SETBP1: variants seen among roughly 807,000 people sequenced by gnomAD.
SETBP1 encodes the protein SET binding protein 1, also known as SET-binding protein.
SETBP1 carries 9 observed loss-of-function variants against 101.0 expected under a neutral mutation model. The ratio of observed to expected loss-of-function variants is 0.09; its 90% CI spans 0.05 to 0.16. The LOEUF is 0.16. SETBP1 is among the 10% of genes least tolerant of loss of function. SETBP1 has a pLI of 1.00. For missense variants in SETBP1, 1,858 were observed against 2,033.8 expected (o/e 0.91, Z 1.66); for synonymous variants, 818 against 788.5 (o/e 1.04, Z -0.63).
At chr18:44,792,986 G>A (rs2071398939) in intron 2 of SETBP1, among the ~76,000 whole-genome samples, 1 of 152,180 alleles carries the variant, frequency 6.6e-6, no homozygotes, top group African/African-American at 2.4e-5. Context: ...TTCCAACTAC[G>A]AGTGGTCCTG....
intron 3 of SETBP1, among the ~76,000 whole-genome samples, chr18:44,874,442 C>T (rs572596076): frequency 1.3e-5 from 2 of 152,188 alleles, no homozygotes; most frequent in East Asian, 1.9e-4. Context: ...GGGTAGAAGG[C>T]GTGATGAAAC....
intron 4 of SETBP1, among the ~76,000 whole-genome samples, chr18:45,026,311 A>G (rs2073163674): frequency 6.6e-6 from 1 of 152,154 alleles, no homozygotes; most frequent in Non-Finnish European, 1.5e-5. Context: ...ATAACCTTTG[A>G]GCACCAAGCC....
intron 4 of SETBP1, among the ~76,000 whole-genome samples, chr18:44,990,409 C>T (rs1371890066): frequency 6.6e-6 from 1 of 152,006 alleles, no homozygotes; most frequent in Admixed American, 6.6e-5. Context: ...GCCTGGGCAA[C>T]ATAATCAGAC....
chr18:44,874,075 T>G (rs1184714617), intron 3 of SETBP1, among the ~76,000 whole-genome samples: 1 of 152,202 alleles, frequency 6.6e-6, no homozygotes, highest in Non-Finnish European at 1.5e-5. Context: ...TATACTCTCA[T>G]CTACTTTGGT....
intron 5 of SETBP1, among the ~76,000 whole-genome samples, chr18:45,039,382 A>G (rs985968822): frequency 3.3e-5 from 5 of 152,166 alleles, no homozygotes; most frequent in African/African-American, 1.2e-4. Flanking sequence ...CTCCAGGAAG[A>G]CAGGCCTTGG....
At chr18:44,712,282 G>A (rs966837564) in intron 2 of SETBP1, among the ~76,000 whole-genome samples, 1 of 152,232 alleles carries the variant, frequency 6.6e-6, no homozygotes, top group African/African-American at 2.4e-5. Flanking sequence ...CTTAAAAGGA[G>A]ATAGAGAGCA....
intron 3 of SETBP1, among the ~76,000 whole-genome samples, chr18:44,880,625 G>C (rs967562449): frequency 6.6e-6 from 1 of 152,186 alleles, no homozygotes; most frequent in African/African-American, 2.4e-5. Context: ...GGCATCTGGG[G>C]AGGCCTCAGG....
At chr18:45,012,245 G>A (rs1247854746) in intron 4 of SETBP1, among the ~76,000 whole-genome samples, 1 of 152,216 alleles carries the variant, frequency 6.6e-6, no homozygotes. Flanking sequence ...GAAGAACTAG[G>A]TCAATCAAGA....
chr18:44,834,680 G>T (rs2067457771), intron 2 of SETBP1, among the ~76,000 whole-genome samples: 1 of 152,210 alleles, frequency 6.6e-6, no homozygotes, highest in Non-Finnish European at 1.5e-5. Flanking sequence ...TCAAATGTCA[G>T]GAGATGTGGC....
chr18:44,942,419 T>C (rs1016696762), intron 3 of SETBP1, among the ~76,000 whole-genome samples: 1 of 152,164 alleles, frequency 6.6e-6, no homozygotes, highest in Non-Finnish European at 1.5e-5. Flanking sequence ...GTTTCTAGAG[T>C]TCCTTTCTAC....
At chr18:44,891,005 A>G (rs2069756292) in intron 3 of SETBP1, among the ~76,000 whole-genome samples, 1 of 152,158 alleles carries the variant, frequency 6.6e-6, no homozygotes, top group Non-Finnish European at 1.5e-5. Flanking sequence ...ACTGGGCAAT[A>G]TACAAAAGAA....
At chr18:45,042,206 G>A (rs1371867301) in intron 5 of SETBP1, among the ~76,000 whole-genome samples, 1 of 140,494 alleles carries the variant, frequency 7.1e-6, no homozygotes, top group African/African-American at 2.7e-5. Flanking sequence ...CTGGAATGCA[G>A]TGGTGCAATC....
chr18:44,884,765 C>T (rs1376045898), intron 3 of SETBP1, among the ~76,000 whole-genome samples: 2 of 152,124 alleles, frequency 1.3e-5, no homozygotes, highest in African/African-American at 2.4e-5. Context: ...ACCCTGCTGG[C>T]ACCTCAAAGA....
At chr18:44,861,982 TG>T (rs1159644584) in intron 2 of SETBP1, among the ~76,000 whole-genome samples, 1 of 152,212 alleles carries the variant, frequency 6.6e-6, no homozygotes, top group Non-Finnish European at 1.5e-5. Flanking sequence ...TCAGGGCATT[TG>T]GAGGTCTCGT....
At chr18:44,689,930 G>C (rs575722592) in intron 1 of SETBP1, among the ~76,000 whole-genome samples, 2 of 152,302 alleles carry the variant, frequency 1.3e-5, no homozygotes, top group East Asian at 3.9e-4. Context: ...TCCAAGTGCA[G>C]GGAGAGCAGT....
chr18:44,710,295 T>C (rs1476340464), intron 2 of SETBP1, among the ~76,000 whole-genome samples: 1 of 152,030 alleles, frequency 6.6e-6, no homozygotes, highest in Non-Finnish European at 1.5e-5. Flanking sequence ...TAGACACAAG[T>C]GGCTTTGTTC....
At chr18:44,867,573 T>A (rs1481022346) in intron 2 of SETBP1, among the ~76,000 whole-genome samples, 7 of 152,224 alleles carry the variant, frequency 4.6e-5, no homozygotes, top group Admixed American at 4.6e-4. Context: ...GGACAAAGTC[T>A]ATCATTACAT....
chr18:44,746,115 A>C (rs1004042278), intron 2 of SETBP1, among the ~76,000 whole-genome samples: 13 of 152,190 alleles, frequency 8.5e-5, no homozygotes, highest in African/African-American at 2.4e-5. Flanking sequence ...GCAGATGACC[A>C]TTTAGAAGGT....
intron 4 of SETBP1, among the ~76,000 whole-genome samples, chr18:45,037,487 G>A (rs2073420789): frequency 6.6e-6 from 1 of 152,078 alleles, no homozygotes. Flanking sequence ...CTCTTTACAT[G>A]GATTGACTTG....
Sources: gnomAD v4.1 joint callset for allele counts (sites outside exome capture counted in the v4.1 genomes callset) on GRCh38, gnomAD v4.1.1 for gene constraint, MANE v1.5 for transcripts, NCBI Gene and HGNC (gene_info 2026-07-23, HGNC 2026-07-21) for gene names.